The following TAFA4 variants were observed in gnomAD, a reference collection of about 807,000 sequenced individuals.
TAFA4 encodes TAFA chemokine like family member 4, also known as chemokine-like protein TAFA-4.
Under a neutral mutation model 21.1 loss-of-function variants are expected in TAFA4, and 20 were observed. That is an observed-to-expected ratio of 0.95 (90% CI 0.67 to 1.38). The LOEUF is 1.38. Ranked by LOEUF, TAFA4 falls within the 40% of genes most tolerant of loss-of-function variation. The pLI, the probability that TAFA4 is intolerant of heterozygous loss-of-function variation, is 0.00. For synonymous variants in TAFA4, 71 were observed against 67.4 expected (o/e 1.05, Z -0.26); for missense variants, 211 against 180.9 (o/e 1.17, Z -0.95).
chr3:68,852,170 C>T (rs572419119), intron 3 of TAFA4, among the ~76,000 whole-genome samples: 138 of 152,250 alleles, frequency 9.1e-4, no homozygotes, highest in Non-Finnish European at 1.6e-3. Flanking sequence ...GAGGCCAATA[C>T]AGAAAGAAGG....
intron 3 of TAFA4, among the ~76,000 whole-genome samples, chr3:68,759,366 C>T (rs1406181281): frequency 1.3e-5 from 2 of 152,140 alleles, no homozygotes; most frequent in African/African-American, 4.8e-5. Flanking sequence ...CAAGATAACA[C>T]AGAAAAGTAA....
intron 3 of TAFA4, among the ~76,000 whole-genome samples, chr3:68,799,293 C>T (rs1703522196): frequency 6.6e-6 from 1 of 152,128 alleles, no homozygotes; most frequent in South Asian, 2.1e-4. Context: ...TCTGCAGAGG[C>T]CCTGATTCCT....
chr3:68,908,260 G>T (rs753265754), intron 1 of TAFA4, among the ~76,000 whole-genome samples: 4 of 152,120 alleles, frequency 2.6e-5, no homozygotes, highest in African/African-American at 4.8e-5. Context: ...TTTGGGAAAG[G>T]TTACAAAGCT....
At chr3:68,854,508 G>A (rs923412552) in intron 3 of TAFA4, among the ~76,000 whole-genome samples, 1 of 152,122 alleles carries the variant, frequency 6.6e-6, no homozygotes, top group Non-Finnish European at 1.5e-5. Context: ...AGCTGCTCTT[G>A]TGAGTTATCT....
At chr3:68,921,542 G>A (rs539018772) in intron 1 of TAFA4, among the ~76,000 whole-genome samples, 2 of 152,240 alleles carry the variant, frequency 1.3e-5, no homozygotes, top group South Asian at 4.1e-4. Flanking sequence ...AAAGCAATAA[G>A]CCAGGCATCT....
At chr3:68,813,817 G>A (rs922472356) in intron 3 of TAFA4, among the ~76,000 whole-genome samples, 1 of 152,086 alleles carries the variant, frequency 6.6e-6, no homozygotes, top group South Asian at 2.1e-4. Flanking sequence ...CTCATTTTAT[G>A]AGGACAGCAT....
intron 1 of TAFA4, among the ~76,000 whole-genome samples, chr3:68,886,998 A>G (rs1313772178): frequency 6.6e-6 from 1 of 152,218 alleles, no homozygotes; most frequent in Non-Finnish European, 1.5e-5. Flanking sequence ...CAATAGCCCA[A>G]AAGCATCAAT....
chr3:68,805,059 C>A (rs995498677), intron 3 of TAFA4, among the ~76,000 whole-genome samples: 11 of 152,252 alleles, frequency 7.2e-5, no homozygotes, highest in African/African-American at 1.9e-4. Flanking sequence ...ACTCATCTGA[C>A]AAAGGGCTAA....
At chr3:68,890,866 G>A (rs969737425) in intron 1 of TAFA4, among the ~76,000 whole-genome samples, 18 of 152,174 alleles carry the variant, frequency 1.2e-4, no homozygotes, top group Admixed American at 1.1e-3. Context: ...CAATTGGACT[G>A]AATTTGTCAG....
At chr3:68,807,435 T>A (rs897508164) in intron 3 of TAFA4, among the ~76,000 whole-genome samples, 1 of 152,122 alleles carries the variant, frequency 6.6e-6, no homozygotes, top group African/African-American at 2.4e-5. Flanking sequence ...TGGCCACAAG[T>A]AGACATTTTT....
chr3:68,864,077 C>A (rs895077047), intron 3 of TAFA4, among the ~76,000 whole-genome samples: 3 of 151,754 alleles, frequency 2.0e-5, no homozygotes, highest in African/African-American at 7.3e-5. Flanking sequence ...AAGTAAAATA[C>A]ATAAAAGAAC....
intron 3 of TAFA4, among the ~76,000 whole-genome samples, chr3:68,834,707 G>C (rs1479348890): frequency 6.6e-6 from 1 of 152,062 alleles, no homozygotes; most frequent in Non-Finnish European, 1.5e-5. Context: ...AAGCCAAAAA[G>C]ACGGGCATCC....
intron 3 of TAFA4, among the ~76,000 whole-genome samples, chr3:68,862,716 A>C (rs1246588319): frequency 6.6e-6 from 1 of 152,058 alleles, no homozygotes; most frequent in Non-Finnish European, 1.5e-5. Flanking sequence ...CAAGTCATTT[A>C]AACCCCCTTG....
intron 3 of TAFA4, among the ~76,000 whole-genome samples, chr3:68,843,366 A>C (rs934777056): frequency 3.3e-5 from 5 of 152,212 alleles, no homozygotes; most frequent in African/African-American, 1.2e-4. Context: ...TGATTTTTGC[A>C]CATTGATTTT....
chr3:68,886,408 T>G (rs192553499), intron 1 of TAFA4, among the ~76,000 whole-genome samples: 49 of 152,260 alleles, frequency 3.2e-4, no homozygotes, highest in Non-Finnish European at 5.7e-4. Context: ...TCCTCCAACT[T>G]TATTAAGTGT....
intron 1 of TAFA4, among the ~76,000 whole-genome samples, chr3:68,923,213 A>G (rs940185930): frequency 6.6e-6 from 1 of 152,160 alleles, no homozygotes; most frequent in Non-Finnish European, 1.5e-5. Flanking sequence ...TGCTCATCAC[A>G]TCAAGCAGAG....
chr3:68,868,953 TA>T (rs553726986), intron 3 of TAFA4, among the ~76,000 whole-genome samples: 1 of 150,566 alleles, frequency 6.6e-6, no homozygotes, highest in South Asian at 2.1e-4. Context: ...TTTGCAGAGA[TA>T]AAAAAATTGA....
chr3:68,844,579 C>G (rs1353438649), intron 3 of TAFA4, among the ~76,000 whole-genome samples: 1 of 152,040 alleles, frequency 6.6e-6, no homozygotes, highest in Non-Finnish European at 1.5e-5. Context: ...TGTGTTTGCT[C>G]TCGCTTCTCT....
intron 3 of TAFA4, among the ~76,000 whole-genome samples, chr3:68,816,307 A>G (rs1169449718): frequency 1.3e-5 from 2 of 152,138 alleles, no homozygotes; most frequent in African/African-American, 2.4e-5. Context: ...CTAAAACTTA[A>G]TGTATAATTA....
Sources: allele counts gnomAD v4.1 joint callset (sites outside exome capture counted in the v4.1 genomes callset), GRCh38; gene constraint gnomAD v4.1.1; transcripts MANE v1.5; gene names NCBI Gene and HGNC (gene_info 2026-07-23, HGNC 2026-07-21).